Variants in SHPRH observed in about 807,000 individuals in gnomAD.
SHPRH encodes SNF2 histone linker PHD RING helicase.
A neutral mutation model predicts 202.5 loss-of-function variants in SHPRH; 106 were observed. That is an observed-to-expected ratio of 0.52 (90% CI 0.45 to 0.62). The LOEUF (loss-of-function observed/expected upper bound fraction) is 0.62, where lower values mean the gene tolerates loss of function less well. SHPRH is among the 20% of genes least tolerant of loss of function. The pLI, the probability that SHPRH is intolerant of heterozygous loss-of-function variation, is 0.00. For synonymous variants in SHPRH, 729 were observed against 686.0 expected, an observed-to-expected ratio of 1.06 and a Z score of -0.98; for missense variants, 1,710 against 2,020.0, an observed-to-expected ratio of 0.85 and a Z score of 2.94.
chr6:145,896,956 T>A (rs938547727), intron 25 of SHPRH, among the ~76,000 whole-genome samples: 14 of 151,814 alleles, frequency 9.2e-5, no homozygotes, highest in Non-Finnish European at 1.6e-4. Flanking sequence ...AGAAATGTTC[T>A]AAATAAACAA....
chr6:145,932,945 T>A, intron 14 of SHPRH, 112 bp downstream of exon 14: 32 of 1,208,044 alleles, frequency 2.6e-5, no homozygotes, highest in Non-Finnish European at 3.6e-5. Context: ...TGTGTGAGAG[T>A]ATCTTTTTGG....
In SHPRH at chr6:145,950,454, C is replaced by T. The variant is rs747692153; in HGVS notation, c.792G>A (p.Pro264=). 29 of 1,612,914 alleles carry T rather than the reference C, an allele frequency of 1.8e-5. No individual in the cohort carries two copies. Among genetic ancestry groups the T allele is most frequent in the Non-Finnish European group, 2.1e-5 (25 of 1,179,278 alleles). The change falls in exon 4 of 30, where the codon CCG becomes CCA. Residue 264 remains proline (P), a synonymous_variant. Transcript: ENST00000275233. ...TGTCTTGTCCCTCTGGCTCACTCTC[C>T]GGATCATCTTCATCCTCTTCCAACA... ...PDVLEEDEDD[P]ESEPEGQDID...
chr6:145,912,818 T>A (rs576613228), intron 24 of SHPRH, among the ~76,000 whole-genome samples: 14 of 152,226 alleles, frequency 9.2e-5, no homozygotes, highest in African/African-American at 3.4e-4. Context: ...AATAGGCTTA[T>A]CTTTCAAATT....
intron 4 of SHPRH, 42 bp from the exon 5 acceptor site, chr6:145,948,392 C>A: frequency 6.8e-7 from 1 of 1,477,714 alleles, no homozygotes; most frequent in Non-Finnish European, 9.3e-7. Context: ...TTTGTTTTCC[C>A]TTCAGTCAGA....
chr6:145,955,106 A>T lies in SHPRH; in HGVS notation c.217T>A (p.Cys73Ser). 6.2e-7 allele frequency: 1 copy of T among 1,613,442 alleles called. No homozygotes were observed. Among genetic ancestry groups the T allele is most frequent in the African/African-American group, 1.3e-5 (1 of 74,990 alleles). ...TTTGAGAAGCTCACCACTTTTGAAC[A>T]CCTCTTCTTATCTCTGTGAGCCACT... Reference protein sequence around the residue: ...EEVAHRDKKRCSKVVSFSKPI... With the variant: ...EEVAHRDKKRSSKVVSFSKPI... The change falls in exon 2 of 30, where the codon TGT becomes AGT. Residue 73 changes from cysteine (C) to serine (S), a missense_variant. Cys to Ser is a moderately radical substitution (Grantham distance 112). This residue lies in a region of SHPRH where 459 missense variants were observed against 426.5 expected (regional missense o/e 1.08). Coordinates refer to ENST00000275233, the MANE Select transcript of SHPRH (RefSeq NM_001042683.3).
chr6:145,946,514 C>T (rs1277302014), intron 6 of SHPRH, among the ~76,000 whole-genome samples, 173 bp from the exon 7 acceptor site: 1 of 151,960 alleles, frequency 6.6e-6, no homozygotes, highest in Non-Finnish European at 1.5e-5. Context: ...GAGTTTACAG[C>T]TAGCTATCAC....
At chr6:145,928,082 ATTTCAGGG>A (rs1299668578) in intron 14 of SHPRH, among the ~76,000 whole-genome samples, 3 of 151,968 alleles carry the variant, frequency 2.0e-5, no homozygotes, top group Non-Finnish European at 4.4e-5. Flanking sequence ...TGAAAATTAA[ATTTCAGGG>A]TCCATAGTTT....
intron 2 of SHPRH, among the ~76,000 whole-genome samples, chr6:145,872,791 G>A (rs1203216763): frequency 1.3e-5 from 2 of 152,152 alleles, no homozygotes; most frequent in Non-Finnish European, 2.9e-5. Context: ...CAACCTAAAT[G>A]CCTATCAGTG....
exon 3 of SHPRH, chr6:145,864,463 A>G (rs1344307038): frequency 3.2e-6 from 1 of 316,444 alleles, no homozygotes; most frequent in Non-Finnish European, 6.6e-6. Context: ...ATGTCATGAA[A>G]ACAAAATAAC....
Position 145,935,127 on chromosome 6 carries a change from G to T in SHPRH, c.2770C>A (p.Leu924Ile). The change falls in exon 13 of 30, where the codon CTC becomes ATC. Residue 924 changes from leucine (L) to isoleucine (I), a missense_variant. This residue lies in a region of SHPRH where 277 missense variants were observed against 363.0 expected (regional missense o/e 0.76). Coordinates refer to ENST00000275233, the MANE Select transcript of SHPRH (RefSeq NM_001042683.3). ...TGCCTTTCCACTGGAGAAAAGTGGA[G>T]CCAGTGTATTTCTTCGGTTTGTGGT... is the stretch of plus-strand genomic sequence containing the variant. ...IPPQTEEIHW[L>I]HFSPVERHFY... is the part of the protein sequence containing the mutation. 1 of 1,613,698 alleles carries T rather than the reference G, an allele frequency of 6.2e-7. No individual in the cohort carries two copies. Among genetic ancestry groups the T allele is most frequent in the Non-Finnish European group, 8.5e-7 (1 of 1,179,944 alleles).
At chr6:145,869,803 C>T (rs1349093511) in intron 2 of SHPRH, among the ~76,000 whole-genome samples, 1 of 146,686 alleles carries the variant, frequency 6.8e-6, no homozygotes, top group African/African-American at 2.5e-5. Flanking sequence ...GTTTTGGCTA[C>T]CTTGGTTTTT....
intron 2 of SHPRH, among the ~76,000 whole-genome samples, chr6:145,873,400 T>C (rs1780144134): frequency 6.6e-6 from 1 of 152,122 alleles, no homozygotes; most frequent in African/African-American, 2.4e-5. Flanking sequence ...ACCAAGATTA[T>C]AGAAAATAGC....
intron 2 of SHPRH, among the ~76,000 whole-genome samples, chr6:145,875,967 C>T (rs1217404544): frequency 1.3e-5 from 2 of 152,176 alleles, no homozygotes; most frequent in Non-Finnish European, 2.9e-5. Flanking sequence ...TTAAAATAAG[C>T]TTTTGTGCTA....
intron 14 of SHPRH, among the ~76,000 whole-genome samples, chr6:145,931,395 C>T (rs1479208778): frequency 1.3e-5 from 2 of 151,896 alleles, no homozygotes. Flanking sequence ...CTCTGTAGCC[C>T]AGTCTGGGGT....
At chr6:145,874,968 G>C (rs1399178074) in intron 2 of SHPRH, among the ~76,000 whole-genome samples, 1 of 152,126 alleles carries the variant, frequency 6.6e-6, no homozygotes, top group Non-Finnish European at 1.5e-5. Flanking sequence ...CTATGTTATT[G>C]CAGATTAGCA....
At chr6:145,952,515 T>G in intron 2 of SHPRH, 37 bp from the exon 3 acceptor site, 1 of 1,577,862 alleles carries the variant, frequency 6.3e-7, no homozygotes, top group Non-Finnish European at 8.6e-7. Context: ...TAGTTTCATT[T>G]GAAATATACC....
chr6:145,859,751 C>G (rs1211400199), downstream of SHPRH, among the ~76,000 whole-genome samples: 2 of 151,974 alleles, frequency 1.3e-5, no homozygotes, highest in African/African-American at 4.8e-5. Context: ...TAACAATACC[C>G]AAGCAGCTTT....
chr6:145,960,344 C>T (rs1355893779), intron 1 of SHPRH, among the ~76,000 whole-genome samples: 1 of 152,158 alleles, frequency 6.6e-6, no homozygotes, highest in Non-Finnish European at 1.5e-5. Flanking sequence ...AAATATACTA[C>T]ACCTCTTTAC....
chr6:145,874,796 T>C (rs996865879), intron 2 of SHPRH, among the ~76,000 whole-genome samples: 1 of 152,208 alleles, frequency 6.6e-6, no homozygotes, highest in Non-Finnish European at 1.5e-5. Context: ...GAGCAACATA[T>C]GAAAATCTCC....
Sources: allele counts gnomAD v4.1 joint callset (sites outside exome capture counted in the v4.1 genomes callset), GRCh38; gene constraint gnomAD v4.1.1; regional missense constraint gnomAD v4.1.1; transcripts MANE v1.5; gene names NCBI Gene and HGNC (gene_info 2026-07-23, HGNC 2026-07-21).